The following IFT70A variants were observed in gnomAD, a reference collection of about 807,000 sequenced individuals.
IFT70A encodes the protein intraflagellar transport protein 70A.
the IFT70A span, chr2:177,617,676 G>A: frequency 6.2e-7 from 1 of 1,614,198 alleles, no homozygotes. Flanking sequence ...TTTCTGCCAG[G>A]ACATCTGCTG....
the IFT70A span, chr2:177,613,622 T>A: frequency 2.0e-5 from 3 of 152,304 alleles, no homozygotes; most frequent in South Asian, 6.2e-4. Flanking sequence ...TGTGGACACA[T>A]GTTTTATAGC....
the IFT70A span, chr2:177,618,150 C>T: frequency 1.2e-6 from 2 of 1,614,190 alleles, no homozygotes; most frequent in South Asian, 1.1e-5. Context: ...GCTGGTAGCC[C>T]GAGGCCTGCA....
At chr2:177,616,868 A>G in the IFT70A span, 2 of 1,593,360 alleles carry the variant, frequency 1.3e-6, no homozygotes, top group East Asian at 2.2e-5. Context: ...AACTGGACAC[A>G]TTCTTGAATA....
At chr2:177,618,345 T>C in the IFT70A span, 3 of 1,613,606 alleles carry the variant, frequency 1.9e-6, no homozygotes, top group African/African-American at 1.3e-5. Flanking sequence ...TGATGGCAGC[T>C]TGCAGGCGGA....
the IFT70A span, chr2:177,618,018 G>A: frequency 6.2e-7 from 1 of 1,614,048 alleles, no homozygotes; most frequent in South Asian, 1.1e-5. Flanking sequence ...CGGTGGTCAT[G>A]CCCACACCTA....
At chr2:177,616,593 G>C in the IFT70A span, 1 of 1,028,802 alleles carries the variant, frequency 9.7e-7, no homozygotes, top group Non-Finnish European at 1.4e-6. Flanking sequence ...TTCTTACAAA[G>C]TGGATAAGAT....
At chr2:177,616,170 C>T in the IFT70A span, 4 of 152,284 alleles carry the variant, frequency 2.6e-5, no homozygotes, top group African/African-American at 9.6e-5. Flanking sequence ...AACTAGACTT[C>T]GTTGCAATCC....
the IFT70A span, chr2:177,618,739 A>C: frequency 1.3e-6 from 2 of 1,511,282 alleles, no homozygotes; most frequent in Non-Finnish European, 1.8e-6. Flanking sequence ...TACCACGGCA[A>C]CAGGGCAACC....
the IFT70A span, chr2:177,616,645 A>AT: frequency 7.5e-4 from 1,048 of 1,395,042 alleles, 8 homozygotes; most frequent in Non-Finnish European, 2.2e-4. Flanking sequence ...CTAAATACAG[A>AT]TAAAAAAAAG....
the IFT70A span, chr2:177,614,049 T>A: frequency 2.0e-5 from 3 of 152,212 alleles, no homozygotes. Flanking sequence ...CACATTATGA[T>A]GTTGTAGAAC....
the IFT70A span, chr2:177,615,821 G>A: frequency 6.6e-6 from 1 of 152,060 alleles, no homozygotes; most frequent in Non-Finnish European, 1.5e-5. Flanking sequence ...AAATTAGAAG[G>A]TATGGAACTC....
the IFT70A span, chr2:177,614,023 C>T: frequency 6.6e-6 from 1 of 152,060 alleles, no homozygotes; most frequent in Non-Finnish European, 1.5e-5. Context: ...TGAAGCAAGT[C>T]CTTTTCTAGT....
At chr2:177,618,450 G>A in the IFT70A span, 1 of 1,601,182 alleles carries the variant, frequency 6.2e-7, no homozygotes, top group Non-Finnish European at 8.5e-7. Flanking sequence ...CCTGGGCCTG[G>A]TACAGGCGGT....
the IFT70A span, chr2:177,617,622 G>A: frequency 1.9e-6 from 3 of 1,614,216 alleles, no homozygotes; most frequent in Non-Finnish European, 2.5e-6. Context: ...CATCTAAGAA[G>A]TCATAGAGAT....
At chr2:177,617,652 C>G in the IFT70A span, 3 of 1,614,162 alleles carry the variant, frequency 1.9e-6, no homozygotes, top group Non-Finnish European at 2.5e-6. Flanking sequence ...GGAACTTATA[C>G]GTCAAATGGG....
At chr2:177,617,593 G>A in the IFT70A span, 5 of 1,614,236 alleles carry the variant, frequency 3.1e-6, no homozygotes, top group South Asian at 4.4e-5. Flanking sequence ...TTCAGGAGCT[G>A]TCTGGCAAGT....
chr2:177,617,872 A>G, the IFT70A span: 2 of 1,614,094 alleles, frequency 1.2e-6, no homozygotes, highest in East Asian at 2.2e-5. Context: ...CCTGGGTGGC[A>G]TGTCGGTGAG....
chr2:177,618,654 C>G, the IFT70A span: 1 of 1,605,838 alleles, frequency 6.2e-7, no homozygotes, highest in Middle Eastern at 1.7e-4. Context: ...GGTACACTAG[C>G]GCGGTAAACT....
At chr2:177,617,568 C>T in the IFT70A span, 9 of 1,614,104 alleles carry the variant, frequency 5.6e-6, no homozygotes, top group Admixed American at 1.0e-4. Flanking sequence ...GCCCATCAAG[C>T]TTAATGAAAG....
Sources: allele counts gnomAD v4.1 joint callset, GRCh38; gene constraint gnomAD v4.1.1; transcripts MANE v1.5; gene names NCBI Gene and HGNC (gene_info 2026-07-23, HGNC 2026-07-21).